PRKAG2: variants seen among roughly 807,000 people sequenced by gnomAD.
The protein encoded by PRKAG2 is protein kinase AMP-activated non-catalytic subunit gamma 2.
PRKAG2 carries 26 observed loss-of-function variants against 69.6 expected under a neutral mutation model. The observed-to-expected ratio is 0.37, with a 90% CI of 0.27 to 0.52. The LOEUF (loss-of-function observed/expected upper bound fraction) is 0.52, where lower values mean the gene tolerates loss of function less well. PRKAG2 is among the 20% of genes least tolerant of loss of function. The pLI, the probability that PRKAG2 is intolerant of heterozygous loss-of-function variation, is 0.90. For synonymous variants in PRKAG2, 293 were observed against 285.0 expected, an observed-to-expected ratio of 1.03 and a Z score of -0.28; for missense variants, 557 against 740.0, an observed-to-expected ratio of 0.75 and a Z score of 2.87.
chr7:151,739,053 C>T (rs576568603), intron 3 of PRKAG2, among the ~76,000 whole-genome samples: 18 of 152,322 alleles, frequency 1.2e-4, no homozygotes, highest in South Asian at 4.2e-4. Context: ...CAACCGGGTT[C>T]GGGTCTCCCC....
intron 3 of PRKAG2, among the ~76,000 whole-genome samples, chr7:151,743,788 C>T (rs575639669): frequency 1.1e-4 from 16 of 152,304 alleles, no homozygotes; most frequent in East Asian, 9.7e-4. Context: ...TCCTGGAGGA[C>T]GCTTTTGTGG....
intron 4 of PRKAG2, among the ~76,000 whole-genome samples, chr7:151,650,375 A>G (rs1420303598): frequency 5.9e-5 from 9 of 152,174 alleles, no homozygotes; most frequent in African/African-American, 2.2e-4. Context: ...CAATTACGCA[A>G]ACTTTACCTC....
intron 1 of PRKAG2, among the ~76,000 whole-genome samples, chr7:151,861,147 A>T (rs1239002175): frequency 2.0e-5 from 3 of 152,198 alleles, no homozygotes; most frequent in Admixed American, 6.5e-5. Flanking sequence ...CTCAGTGTGA[A>T]TAAGGAGACC....
rs777732779 is a variant in PRKAG2, at chr7:151,781,297, C to T, written c.321G>A (p.Pro107=). The change falls in exon 3 of 16, where the codon CCG becomes CCA. Residue 107 remains proline (P), a synonymous_variant. Transcript: ENST00000287878. This position sits in a 1 kb window ranked among gnomAD's most constrained non-coding sequence, Gnocchi z 6.1. ...GTGGCGGGGACTCCTGGTAGGAGAA[C>T]GGGAACACGGTTTTGGGAGAGCCGG... The part of the protein sequence containing the change: ...TSPGSPKTVF[P]FSYQESPPRS... The T allele has an allele frequency of 2.5e-6, 4 of 1,613,974 alleles. No homozygotes were observed. Among genetic ancestry groups the T allele is most frequent in the South Asian group, 1.1e-5 (1 of 91,076 alleles).
chr7:151,736,332 G>T, intron 3 of PRKAG2: 1 of 1,121,132 alleles, frequency 8.9e-7, no homozygotes, highest in Non-Finnish European at 1.1e-6. Context: ...GAACTTCGCA[G>T]GGGATTTGTT....
intron 1 of PRKAG2, among the ~76,000 whole-genome samples, chr7:151,804,962 C>T (rs936804853): frequency 3.9e-5 from 6 of 152,260 alleles, no homozygotes; most frequent in African/African-American, 1.2e-4. Flanking sequence ...GTCTGAAAGC[C>T]GCTGCGGAAG....
At chr7:151,847,850 G>GGCA (rs1261474917) in intron 1 of PRKAG2, among the ~76,000 whole-genome samples, 2 of 152,244 alleles carry the variant, frequency 1.3e-5, no homozygotes, top group Non-Finnish European at 2.9e-5. Flanking sequence ...AGGTGAAGCT[G>GGCA]GCAGCTCACA....
intron 3 of PRKAG2, among the ~76,000 whole-genome samples, chr7:151,731,381 G>A (rs546321215): frequency 7.9e-5 from 12 of 152,230 alleles, no homozygotes; most frequent in Non-Finnish European, 1.3e-4. Context: ...CTTCCAGGGG[G>A]CTCTGTCACA....
intron 5 of PRKAG2, among the ~76,000 whole-genome samples, chr7:151,623,444 G>A (rs1163479198): frequency 6.8e-6 from 1 of 146,480 alleles, no homozygotes; most frequent in Non-Finnish European, 1.5e-5. Flanking sequence ...TCACAATAGG[G>A]TTCGCGCTCC....
chr7:151,760,184 A>T (rs1034738926), intron 3 of PRKAG2, among the ~76,000 whole-genome samples: 13 of 152,208 alleles, frequency 8.5e-5, no homozygotes, highest in African/African-American at 3.1e-4. Flanking sequence ...GTCTCCCAGA[A>T]GCCTGTCTCC....
At chr7:151,607,373 T>C (rs1386556391) in intron 5 of PRKAG2, among the ~76,000 whole-genome samples, 1 of 152,108 alleles carries the variant, frequency 6.6e-6, no homozygotes, top group Non-Finnish European at 1.5e-5. Flanking sequence ...CCTTGAACTC[T>C]CAGGCTCAAG....
chr7:151,698,302 GCCT>G (rs773827751), intron 3 of PRKAG2, among the ~76,000 whole-genome samples: 4 of 152,168 alleles, frequency 2.6e-5, no homozygotes, highest in Non-Finnish European at 4.4e-5. Context: ...GTCCCTCTGA[GCCT>G]CCTCCTGGTT....
At chr7:151,592,008 T>C (rs2151117415) in intron 6 of PRKAG2, among the ~76,000 whole-genome samples, 1 of 152,264 alleles carries the variant, frequency 6.6e-6, no homozygotes, top group African/African-American at 2.4e-5. Flanking sequence ...CCAAGCCGAA[T>C]GCTGAGCATG....
At position 151,763,040 on chromosome 7, in the gene PRKAG2, C is replaced by T. The variant is rs59205459; in HGVS notation, c.466+18112G>A. ...CGTGACAGCTCTGTCCCTGCTCCCT[C>T]TACCGGCTCCTCCCCTCTCAGCCTG... On this transcript the variant is annotated intron_variant, in intron 3 of 15. Coordinates refer to ENST00000287878, the MANE Select transcript of PRKAG2 (RefSeq NM_016203.4). Among the ~76,000 whole-genome samples the T allele has an allele frequency of 4.2e-3, 636 of 152,368 alleles. 4 individuals carry two copies. In the East Asian group the frequency reaches 0.046, roughly 11 times the overall value.
At chr7:151,816,931 C>T (rs906582837) in intron 1 of PRKAG2, among the ~76,000 whole-genome samples, 35 of 152,286 alleles carry the variant, frequency 2.3e-4, no homozygotes, top group Admixed American at 1.0e-3. Context: ...AGGTTTGCTA[C>T]GCTTGGAGAC....
At chr7:151,704,887 C>T (rs548396243) in intron 3 of PRKAG2, among the ~76,000 whole-genome samples, 79 of 152,248 alleles carry the variant, frequency 5.2e-4, no homozygotes, top group South Asian at 2.5e-3. Flanking sequence ...CAAGTGTAAC[C>T]ACTACAAAGC....
At chr7:151,790,956 G>T (rs1256794253) in intron 1 of PRKAG2, among the ~76,000 whole-genome samples, 1 of 152,220 alleles carries the variant, frequency 6.6e-6, no homozygotes, top group South Asian at 2.1e-4. Flanking sequence ...GACCCCAGGC[G>T]GCTGCCCGGA....
chr7:151,610,455 G>A (rs1458640382), intron 5 of PRKAG2, among the ~76,000 whole-genome samples: 1 of 151,988 alleles, frequency 6.6e-6, no homozygotes, highest in Non-Finnish European at 1.5e-5. Context: ...GAGGCAGGCG[G>A]ATCACGAGGT....
intron 3 of PRKAG2, among the ~76,000 whole-genome samples, chr7:151,691,662 AT>A (rs1176516424): frequency 2.0e-5 from 3 of 152,236 alleles, no homozygotes; most frequent in African/African-American, 7.2e-5. Flanking sequence ...AAACCTGACA[AT>A]ACTAAGTGCT....
Sources: allele counts gnomAD v4.1 joint callset (sites outside exome capture counted in the v4.1 genomes callset), GRCh38; gene constraint gnomAD v4.1.1; non-coding constraint Gnocchi (gnomAD v3.1); transcripts MANE v1.5; gene names NCBI Gene and HGNC (gene_info 2026-07-23, HGNC 2026-07-21).